SAMSN1: variants seen among roughly 807,000 people sequenced by gnomAD.
The protein encoded by SAMSN1 is SAM domain-containing protein SAMSN-1.
A neutral mutation model predicts 42.0 loss-of-function variants in SAMSN1; 31 were observed. The observed-to-expected ratio is 0.74, with a 90% CI of 0.55 to 1.00. The LOEUF (loss-of-function observed/expected upper bound fraction) is 1.00, where lower values mean the gene tolerates loss of function less well. Ranked by LOEUF, SAMSN1 falls within the 50% of genes least tolerant of loss-of-function variation. The pLI, the probability that SAMSN1 is intolerant of heterozygous loss-of-function variation, is 0.00. For missense variants in SAMSN1, 464 were observed against 439.4 expected (o/e 1.06, Z -0.50); for synonymous variants, 178 against 151.9 (o/e 1.17, Z -1.26).
chr21:14,543,873 G>A (rs1403013058), intron 1 of SAMSN1, among the ~76,000 whole-genome samples: 1 of 152,108 alleles, frequency 6.6e-6, no homozygotes, highest in Non-Finnish European at 1.5e-5. Flanking sequence ...CTAATATCTG[G>A]TATGTAGTTA....
intron 2 of SAMSN1, among the ~76,000 whole-genome samples, chr21:14,572,472 T>A (rs983140786): frequency 6.6e-6 from 1 of 152,154 alleles, no homozygotes; most frequent in African/African-American, 2.4e-5. Flanking sequence ...ACTGCAAAAT[T>A]TAAAGACAAC....
rs143954470 is a variant in SAMSN1, at chr21:14,563,767, C to G, written c.261+18369G>C. On this transcript the variant is annotated intron_variant, in intron 2 of 8. Transcript: ENST00000285670. The stretch of plus-strand genomic sequence containing the variant: ...CAGAATTTCACAATAGTTTCTTACC[C>G]TGCAAATCAAATGTTCTCCATGGAA... 1.8e-3 allele frequency among the ~76,000 whole-genome samples: 279 copies of G among 152,264 alleles called. 1 individual carries two copies. Among genetic ancestry groups the G allele is most frequent in the African/African-American group, 6.3e-3 (263 of 41,550 alleles).
chr21:14,499,716 T>A (rs966859861), intron 6 of SAMSN1, among the ~76,000 whole-genome samples: 1 of 152,092 alleles, frequency 6.6e-6, no homozygotes, highest in East Asian at 1.9e-4. Context: ...AACCCGTACA[T>A]TCTCATAGGA....
chr21:14,539,806 A>G (rs559845364), intron 1 of SAMSN1, among the ~76,000 whole-genome samples: 1 of 152,308 alleles, frequency 6.6e-6, no homozygotes, highest in African/African-American at 2.4e-5. Flanking sequence ...TGAAGTTCAT[A>G]TGCAACCAAA....
At position 14,601,567 on chromosome 21, in the gene SAMSN1, A is replaced by G. The variant is rs182034654; in HGVS notation, c.399+456T>C. Among the ~76,000 whole-genome samples, 50 of 152,328 alleles carry G rather than the reference A, an allele frequency of 3.3e-4. No homozygotes were observed. The East Asian group carries it at 6.7e-3, about 21-fold the overall frequency. On this transcript the variant is annotated intron_variant, in intron 6 of 15. Transcript: ENST00000647101. ...CTCTCTTGTTACAGGGTGAATAGCA[A>G]GTATTTGGCCATTGATTAATGTTAC...
intron 2 of SAMSN1, among the ~76,000 whole-genome samples, chr21:14,627,345 G>A (rs541984896): frequency 6.6e-6 from 1 of 151,824 alleles, no homozygotes; most frequent in East Asian, 1.9e-4. Flanking sequence ...GTGCATAAAT[G>A]CATATACCCC....
chr21:14,568,791 C>G (rs1052688213), intron 2 of SAMSN1, among the ~76,000 whole-genome samples: 1 of 152,158 alleles, frequency 6.6e-6, no homozygotes, highest in Non-Finnish European at 1.5e-5. Flanking sequence ...AAAAGGGAAT[C>G]TAGTGTCTTA....
chr21:14,555,302 C>T (rs144155414), intron 2 of SAMSN1, among the ~76,000 whole-genome samples: 24 of 152,268 alleles, frequency 1.6e-4, no homozygotes, highest in African/African-American at 5.8e-4. Flanking sequence ...ATCTCTTTGT[C>T]TCTTTAGGTT....
chr21:14,558,397 G>A (rs35114834), intron 2 of SAMSN1, among the ~76,000 whole-genome samples: 1 of 152,074 alleles, frequency 6.6e-6, no homozygotes, highest in Non-Finnish European at 1.5e-5. Flanking sequence ...AACACTTTCA[G>A]CTGGGCGCAG....
chr21:14,648,833 T>A (rs10854327), intron 1 of SAMSN1, among the ~76,000 whole-genome samples: 1 of 140,182 alleles, frequency 7.1e-6, no homozygotes, highest in East Asian at 2.1e-4. Context: ...GACTGTAAAC[T>A]AGTTCAACCA....
intron 2 of SAMSN1, among the ~76,000 whole-genome samples, chr21:14,634,736 C>T (rs773934781): frequency 6.6e-6 from 1 of 152,156 alleles, no homozygotes; most frequent in East Asian, 1.9e-4. Context: ...TCAGTTCATC[C>T]ACTGTGGAAG....
chr21:14,624,203 C>T (rs1228638408), intron 2 of SAMSN1, among the ~76,000 whole-genome samples: 1 of 152,066 alleles, frequency 6.6e-6, no homozygotes, highest in Non-Finnish European at 1.5e-5. Flanking sequence ...ACCCTAACAC[C>T]ACAATTAAAA....
At chr21:14,519,496 A>G (rs1489665814) in intron 2 of SAMSN1, among the ~76,000 whole-genome samples, 1 of 152,030 alleles carries the variant, frequency 6.6e-6, no homozygotes, top group East Asian at 1.9e-4. Flanking sequence ...CTCTCTCCAT[A>G]TATATACACA....
chr21:14,603,281 A>C (rs527391375), intron 5 of SAMSN1, among the ~76,000 whole-genome samples: 2 of 152,214 alleles, frequency 1.3e-5, no homozygotes, highest in Non-Finnish European at 2.9e-5. Flanking sequence ...AGGTGTAGAA[A>C]AAGAACAGTA....
At chr21:14,547,585 G>A (rs188767671), upstream of SAMSN1, among the ~76,000 whole-genome samples, 15 of 152,178 alleles carry the variant, frequency 9.9e-5, no homozygotes, top group East Asian at 2.9e-3. Context: ...TAAATCCTCT[G>A]AATTGAAAAG....
At position 14,525,779 on chromosome 21, in the gene SAMSN1, A is replaced by T. The variant is rs112655330; in HGVS notation, c.58-4558T>A. Among the ~76,000 whole-genome samples, 585 of 152,354 alleles carry T rather than the reference A, an allele frequency of 3.8e-3. 1 individual carries two copies. The highest frequency in any genetic ancestry group is 0.011 in the South Asian group (52 of 4,832). ...ATTTTACATATATTTAAAATGTTCCATAATAAATTGTTGAGTTATCAAAAG... is the reference window on the plus strand; with the variant it reads ...ATTTTACATATATTTAAAATGTTCCTTAATAAATTGTTGAGTTATCAAAAG... On this transcript the variant is annotated intron_variant, in intron 1 of 7. Transcript: ENST00000400566.
chr21:14,650,747 G>T (rs529173834), intron 1 of SAMSN1, among the ~76,000 whole-genome samples: 127 of 151,964 alleles, frequency 8.4e-4, no homozygotes, highest in African/African-American at 3.0e-3. Flanking sequence ...AAAAAAGGTT[G>T]TTTTTTGAAA....
intron 5 of SAMSN1, among the ~76,000 whole-genome samples, chr21:14,603,577 A>C (rs1982492594): frequency 6.6e-6 from 1 of 152,192 alleles, no homozygotes; most frequent in Non-Finnish European, 1.5e-5. Context: ...AACATGTTTA[A>C]TTAAGTGTAG....
intron 2 of SAMSN1, among the ~76,000 whole-genome samples, chr21:14,555,124 C>T (rs990169643): frequency 6.6e-6 from 1 of 152,182 alleles, no homozygotes; most frequent in Non-Finnish European, 1.5e-5. Flanking sequence ...AAAGTAGTTT[C>T]CTTGCTGCCT....
Sources: gnomAD v4.1 joint callset for allele counts (sites outside exome capture counted in the v4.1 genomes callset) on GRCh38, gnomAD v4.1.1 for gene constraint, MANE v1.5 for transcripts, NCBI Gene and HGNC (gene_info 2026-07-23, HGNC 2026-07-21) for gene names.